The following SEMA3A variants were observed in gnomAD, a reference collection of about 807,000 sequenced individuals.
SEMA3A encodes the protein semaphorin-3A.
In SEMA3A, 29 loss-of-function variants were observed where a neutral mutation model predicts 97.9. The ratio of observed to expected loss-of-function variants is 0.30; its 90% CI spans 0.22 to 0.40. The LOEUF (loss-of-function observed/expected upper bound fraction) is 0.40, where lower values mean the gene tolerates loss of function less well. Among genes scored for constraint, SEMA3A ranks in the 10% least tolerant of loss-of-function variants. The pLI is 1.00. For missense variants in SEMA3A, 763 were observed against 951.3 expected (o/e 0.80, Z 2.60); for synonymous variants, 321 against 323.7 (o/e 0.99, Z 0.09).
chr7:84,236,111 T>C (rs1222464583), intron 3 of SEMA3A, among the ~76,000 whole-genome samples: 1 of 152,114 alleles, frequency 6.6e-6, no homozygotes, highest in Non-Finnish European at 1.5e-5. Flanking sequence ...AATTCATTTG[T>C]TTCTCTTCCA....
chr7:84,384,587 C>G (rs1375368773), intron 1 of SEMA3A, among the ~76,000 whole-genome samples: 3 of 152,156 alleles, frequency 2.0e-5, no homozygotes, highest in Non-Finnish European at 4.4e-5. Flanking sequence ...ATTCCCATGA[C>G]ATCCCCAGGC....
At chr7:84,413,378 A>G (rs534682937) in intron 1 of SEMA3A, among the ~76,000 whole-genome samples, 2 of 152,150 alleles carry the variant, frequency 1.3e-5, no homozygotes, top group Non-Finnish European at 2.9e-5. Context: ...CTGTAATCTC[A>G]GCACTTTAGG....
chr7:84,079,282 A>G (rs1200688349), intron 4 of SEMA3A, among the ~76,000 whole-genome samples: 1 of 151,956 alleles, frequency 6.6e-6, no homozygotes, highest in East Asian at 1.9e-4. Flanking sequence ...CATTCAGGAC[A>G]TAGGCATGGG....
At chr7:84,380,983 C>A (rs931848582) in intron 1 of SEMA3A, among the ~76,000 whole-genome samples, 1 of 152,182 alleles carries the variant, frequency 6.6e-6, no homozygotes, top group Admixed American at 6.5e-5. Context: ...TTAATCAAAC[C>A]AGCAAAACTC....
chr7:84,343,538 G>C lies in SEMA3A; in HGVS notation c.-169+28286C>G, dbSNP rs61042778. Among the ~76,000 whole-genome samples, 1,603 of 152,246 alleles carry C rather than the reference G, an allele frequency of 0.011. 45 individuals carry two copies. The East Asian group carries it at 0.11, about 11-fold the overall frequency. ...TAAAACTAAATACTGAGTGACTATG[G>C]AATCCTACTTCAAATTCTGCCAAAT... On this transcript the variant is annotated intron_variant, in intron 2 of 3. Transcript: ENST00000424555.
intron 1 of SEMA3A, among the ~76,000 whole-genome samples, chr7:84,401,169 C>A (rs549921614): frequency 6.6e-6 from 1 of 151,990 alleles, no homozygotes; most frequent in African/African-American, 2.4e-5. Flanking sequence ...AGTAAGATTG[C>A]GTGTTACAAA....
At chr7:84,299,549 C>A (rs1469920815) in intron 3 of SEMA3A, among the ~76,000 whole-genome samples, 1 of 151,320 alleles carries the variant, frequency 6.6e-6, no homozygotes, top group African/African-American at 2.4e-5. Flanking sequence ...TCCCACCCAA[C>A]AGAGTACTTT....
In SEMA3A at chr7:84,415,523, G is replaced by T. The variant is rs76510162; in HGVS notation, c.-245-43623C>A. Among the ~76,000 whole-genome samples the T allele has an allele frequency of 0.014, 2,102 of 152,026 alleles. 79 individuals carry two copies. In the East Asian group the frequency reaches 0.16, roughly 11 times the overall value. Reference sequence around the variant, plus strand: ...TGTATTTCACAATTATTTTCATATTGCTTTCAAATGGATCTGATAATGATA... The same window carrying T: ...TGTATTTCACAATTATTTTCATATTTCTTTCAAATGGATCTGATAATGATA... On this transcript the variant is annotated intron_variant, in intron 1 of 3. Coordinates refer to the SEMA3A transcript ENST00000424555.
intron 3 of SEMA3A, among the ~76,000 whole-genome samples, chr7:84,252,400 T>C (rs550727968): frequency 1.3e-5 from 2 of 152,226 alleles, no homozygotes; most frequent in South Asian, 2.1e-4. Flanking sequence ...AACCACGCAA[T>C]AACACAGAAA....
At chr7:84,023,890 T>C (rs1378100362) in intron 6 of SEMA3A, among the ~76,000 whole-genome samples, 1 of 151,776 alleles carries the variant, frequency 6.6e-6, no homozygotes, top group African/African-American at 2.4e-5. Context: ...CGGGTACCTG[T>C]AGTCCCAGCT....
intron 4 of SEMA3A, among the ~76,000 whole-genome samples, chr7:84,094,341 T>C (rs63487261): frequency 3.3e-4 from 48 of 146,602 alleles, no homozygotes; most frequent in East Asian, 1.0e-3. Flanking sequence ...TTTTTTTTTT[T>C]CCCATGTTAT....
At chr7:84,243,033 G>A (rs1443475523) in intron 3 of SEMA3A, among the ~76,000 whole-genome samples, 1 of 152,184 alleles carries the variant, frequency 6.6e-6, no homozygotes, top group African/African-American at 2.4e-5. Context: ...GCTTTTTGAT[G>A]TGCTACTGGA....
intron 1 of SEMA3A, among the ~76,000 whole-genome samples, chr7:84,448,522 T>C (rs546449315): frequency 2.0e-4 from 30 of 151,958 alleles, no homozygotes; most frequent in Admixed American, 3.9e-4. Context: ...TGTTAGTGTA[T>C]AGAAAAGGAG....
At chr7:84,410,216 C>A (rs1384570186) in intron 1 of SEMA3A, among the ~76,000 whole-genome samples, 3 of 152,160 alleles carry the variant, frequency 2.0e-5, no homozygotes, top group African/African-American at 4.8e-5. Context: ...ATCCTTTATA[C>A]TTTCTATACA....
At chr7:84,474,940 A>G (rs550737358) in intron 1 of SEMA3A, among the ~76,000 whole-genome samples, 1 of 152,300 alleles carries the variant, frequency 6.6e-6, no homozygotes, top group Non-Finnish European at 1.5e-5. Context: ...GAAACTATAA[A>G]GAGAGAAAAC....
At chr7:84,126,387 G>A (rs1795794637) in intron 3 of SEMA3A, among the ~76,000 whole-genome samples, 1 of 151,964 alleles carries the variant, frequency 6.6e-6, no homozygotes, top group African/African-American at 2.4e-5. Flanking sequence ...TGTATTTTTA[G>A]TAAAGATGGG....
In SEMA3A at chr7:84,003,576, T is replaced by C. The variant is rs1336350473; in HGVS notation, c.1361-1530A>G. 2.0e-5 allele frequency among the ~76,000 whole-genome samples: 3 copies of C among 152,176 alleles called. No homozygotes were observed. The East Asian group carries it at 5.8e-4, about 29-fold the overall frequency. On this transcript the variant is annotated intron_variant, in intron 11 of 16. Coordinates refer to ENST00000265362, the MANE Select transcript of SEMA3A (RefSeq NM_006080.3). Reference sequence around the variant, plus strand: ...TGAAATTGGTGCCTTTAAAGACAGATTGTGTCCAAGAGGAATTAAAAGCTC... The same window carrying C: ...TGAAATTGGTGCCTTTAAAGACAGACTGTGTCCAAGAGGAATTAAAAGCTC...
intron 5 of SEMA3A, among the ~76,000 whole-genome samples, chr7:84,051,572 CTT>C (rs1281769499): frequency 2.6e-5 from 4 of 152,178 alleles, no homozygotes; most frequent in African/African-American, 9.6e-5. Context: ...TATCCTGAGA[CTT>C]TGCTGAAGTT....
In SEMA3A at chr7:84,255,733, T is replaced by G. The variant is rs531712527; in HGVS notation, c.-83+51474A>C. Among the ~76,000 whole-genome samples the G allele has an allele frequency of 1.7e-4, 26 of 152,028 alleles. 1 individual carries two copies. The South Asian group carries it at 5.2e-3, about 30-fold the overall frequency. ...GAGAGCTGATTGGTAATGAGAAAAA[T>G]GGCATATAGATTAGTAGGCATACCA... On this transcript the variant is annotated intron_variant, in intron 3 of 3. Coordinates refer to the SEMA3A transcript ENST00000424555.
Sources: allele counts gnomAD v4.1 joint callset (sites outside exome capture counted in the v4.1 genomes callset), GRCh38; gene constraint gnomAD v4.1.1; transcripts MANE v1.5; gene names NCBI Gene and HGNC (gene_info 2026-07-23, HGNC 2026-07-21).